CWF19L1: variants seen among roughly 807,000 people sequenced by gnomAD.
CWF19L1 encodes CWF19-like protein 1.
A neutral mutation model predicts 69.7 loss-of-function variants in CWF19L1; 60 were observed. The observed-to-expected ratio is 0.86, with a 90% CI of 0.70 to 1.07. CWF19L1 has a LOEUF of 1.07. CWF19L1 is among the 50% of genes least tolerant of loss of function. CWF19L1 has a pLI of 0.00. For missense variants in CWF19L1, 591 were observed against 638.9 expected (o/e 0.92, Z 0.81); for synonymous variants, 209 against 222.2 (o/e 0.94, Z 0.53).
At chr10:100,251,439 T>C (rs564629694) in intron 6 of CWF19L1, among the ~76,000 whole-genome samples, 37 of 152,126 alleles carry the variant, frequency 2.4e-4, no homozygotes, top group Admixed American at 2.6e-4. Flanking sequence ...TGGTGTATCA[T>C]TGTGCTTTTG....
chr10:100,262,002 G>GA lies in CWF19L1; in HGVS notation c.84dup (p.Gln29SerfsTer8). 1 of 1,604,980 alleles carries GA rather than the reference G, an allele frequency of 6.2e-7. No homozygotes were observed. Among genetic ancestry groups the GA allele is most frequent in the Non-Finnish European group, 8.5e-7 (1 of 1,177,716 alleles). ...ACATCAAAGTTTCCACTTTTCTTCTGAATTGCTTGAACTCTATTGAATAAA... is the reference window on the plus strand; with the variant it reads ...ACATCAAAGTTTCCACTTTTCTTCTGAAATTGCTTGAACTCTATTGAATAAA... On this transcript the variant is annotated frameshift_variant, in exon 2 of 14. Coordinates refer to ENST00000354105, the MANE Select transcript of CWF19L1 (RefSeq NM_018294.6). LOFTEE classifies it high-confidence loss of function.
chr10:100,262,180 C>A, intron 1 of CWF19L1, 117 bp from the exon 2 acceptor site: 1 of 1,419,316 alleles, frequency 7.0e-7, no homozygotes. Context: ...CTGCAGTTAC[C>A]TTGCAAGGTT....
intron 1 of CWF19L1, chr10:100,262,533 A>G (rs762836933): frequency 4.3e-5 from 38 of 881,948 alleles, no homozygotes; most frequent in Non-Finnish European, 4.1e-5. Context: ...TACGCTAAGT[A>G]CAATATGCCA....
At chr10:100,240,847 T>C (rs1846611710) in intron 10 of CWF19L1, among the ~76,000 whole-genome samples, 1 of 152,004 alleles carries the variant, frequency 6.6e-6, no homozygotes, top group Non-Finnish European at 1.5e-5. Context: ...AAAGAGATCA[T>C]CCAAAAAGGG....
intron 6 of CWF19L1, among the ~76,000 whole-genome samples, chr10:100,253,215 G>A (rs1028946943): frequency 7.2e-5 from 11 of 152,148 alleles, no homozygotes; most frequent in African/African-American, 2.4e-4. Flanking sequence ...ACAAGTTCTT[G>A]ATTCTGAAAC....
At chr10:100,243,572 C>A in intron 10 of CWF19L1, 126 bp downstream of exon 10, 2 of 841,262 alleles carry the variant, frequency 2.4e-6, no homozygotes, top group Non-Finnish European at 2.0e-6. Flanking sequence ...ACTCAGTAAC[C>A]TTACGAAAAT....
Position 100,256,258 on chromosome 10 carries a change from TCA to T in CWF19L1, c.504+2_504+3del, listed in dbSNP as rs1847208341. 1 of 1,611,790 alleles carries T rather than the reference TCA, an allele frequency of 6.2e-7. No individual in the cohort carries two copies. The highest frequency in any genetic ancestry group is 1.1e-5 in the South Asian group (1 of 91,034). ...GAAATTCCAACTAAACAAACACTACTCACAGAAGAATTCCCAAAGTTCCCCAC... is the reference window on the plus strand; with the variant it reads ...GAAATTCCAACTAAACAAACACTACTCAGAAGAATTCCCAAAGTTCCCCAC... On this transcript the variant is annotated splice_donor_variant and splice_donor_region_variant and intron_variant, in intron 5 of 13. Transcript: ENST00000354105. LOFTEE classifies it high-confidence loss of function.
Position 100,245,854 on chromosome 10 carries a change from T to C in CWF19L1, c.909A>G (p.Ser303=), listed in dbSNP as rs1362146197. The change falls in exon 9 of 14, where the codon TCA becomes TCG. Residue 303 remains serine, a synonymous_variant. Coordinates refer to ENST00000354105, the MANE Select transcript of CWF19L1 (RefSeq NM_018294.6). ...AAGATTTGCTATCTCTACCTGTGGA[T>C]GAACGCTTCCTTCCCTGCTTTTCAT... ...DLNEKQGRKR[S]STGRDSKSSP... The C allele has an allele frequency of 1.9e-6, 3 of 1,614,238 alleles. No individual in the cohort carries two copies. The highest frequency in any genetic ancestry group is 4.5e-5 in the East Asian group (2 of 44,890).
At position 100,257,246 on chromosome 10, in the gene CWF19L1, G is replaced by A. The variant is rs11190438; in HGVS notation, c.290-770C>T. On this transcript the variant is annotated intron_variant, in intron 4 of 13. Coordinates refer to ENST00000354105, the MANE Select transcript of CWF19L1 (RefSeq NM_018294.6). Reference sequence around the variant, plus strand: ...ATACTAAGAAACTTCCTCCTCTTCAGTTTTGAATTTCTGAAGAGTCATCCA... The same window carrying A: ...ATACTAAGAAACTTCCTCCTCTTCAATTTTGAATTTCTGAAGAGTCATCCA... Among the ~76,000 whole-genome samples, 2,956 of 140,674 alleles carry A rather than the reference G, an allele frequency of 0.021. 190 individuals are homozygous for A. The East Asian group carries it at 0.3, about 14-fold the overall frequency. 92.3% of individuals were successfully genotyped at this position (140,674 alleles called of 152,430 possible). A position where few individuals can be genotyped will look rare whatever the true frequency, so the allele number is the denominator to read the frequency against.
At chr10:100,236,537 C>A (rs996682192) in intron 12 of CWF19L1, among the ~76,000 whole-genome samples, 8 of 152,050 alleles carry the variant, frequency 5.3e-5, no homozygotes, top group Non-Finnish European at 1.2e-4. Flanking sequence ...TTCGGGAGGC[C>A]AAGGCAGGCA....
intron 4 of CWF19L1, among the ~76,000 whole-genome samples, chr10:100,259,110 A>AGAATCACTTGAACCAGCCT (rs1480442772): frequency 2.0e-5 from 3 of 151,556 alleles, no homozygotes; most frequent in Non-Finnish European, 4.4e-5. Flanking sequence ...CTGAGGCAGG[A>AGAATCACTTGAACCAGCCT]GAATCACTTG....
At chr10:100,237,488 A>T (rs1846483159) in intron 11 of CWF19L1, among the ~76,000 whole-genome samples, 1 of 152,164 alleles carries the variant, frequency 6.6e-6, no homozygotes, top group African/African-American at 2.4e-5. Flanking sequence ...TTTTCTAAAC[A>T]AGGAACTTAC....
At chr10:100,250,482 T>C (rs1036617827) in intron 6 of CWF19L1, 150 bp from the exon 7 acceptor site, 5 of 622,064 alleles carry the variant, frequency 8.0e-6, no homozygotes, top group African/African-American at 7.4e-5. Flanking sequence ...TTACTATCTA[T>C]CCGTCTAATA....
At chr10:100,257,906 A>T (rs1316147545) in intron 4 of CWF19L1, among the ~76,000 whole-genome samples, 1 of 151,796 alleles carries the variant, frequency 6.6e-6, no homozygotes, top group Non-Finnish European at 1.5e-5. Context: ...TATGGGACCA[A>T]CTCTCCAAAG....
chr10:100,256,324 C>A lies in CWF19L1; in HGVS notation c.442G>T (p.Gly148Cys), dbSNP rs1386925072. Residue 148 changes from glycine to cysteine, a missense_variant, in exon 5 of 14, where the codon GGT (glycine) becomes TGT (cysteine). Around this residue, in one of 3 missense-constraint regions of CWF19L1, gnomAD observed 458 missense variants for 489.3 expected, o/e 0.94. Coordinates refer to ENST00000354105, the MANE Select transcript of CWF19L1 (RefSeq NM_018294.6). ...MMLCTTSQFK[G>C]VDILLTSPWP... ...GGGGATGTGAGCAAGATATCAACAC[C>A]CTTAAACTGGGAGGTTGTACACAGC... The A allele has an allele frequency of 4.3e-6, 7 of 1,614,124 alleles. No individual in the cohort carries two copies. The highest frequency in any genetic ancestry group is 5.1e-6 in the Non-Finnish European group (6 of 1,180,022).
chr10:100,260,025 G>T (rs1016623409), intron 4 of CWF19L1, among the ~76,000 whole-genome samples, 193 bp downstream of exon 4: 3 of 151,970 alleles, frequency 2.0e-5, no homozygotes, highest in Non-Finnish European at 4.4e-5. Flanking sequence ...AAAATTAGCC[G>T]GGTATGGTCA....
rs1368309026 is a variant in CWF19L1 at position 100,235,663 on chromosome 10, A to G, written c.1472+4T>C. 4.4e-6 allele frequency: 7 copies of G among 1,599,976 alleles called. No homozygotes were observed. The highest frequency in any genetic ancestry group is 3.3e-5 in the South Asian group (3 of 90,780). ...AAAATACATTGAAAAGAAGAAAAAC[A>G]TACCTTCCAAACTGCAAAGGAAAAT... On this transcript the variant is annotated splice_donor_region_variant and intron_variant, in intron 13 of 13. Transcript: ENST00000354105.
intron 1 of CWF19L1, 99 bp downstream of exon 1, chr10:100,267,471 TC>T: frequency 6.2e-7 from 1 of 1,609,296 alleles, no homozygotes; most frequent in Non-Finnish European, 8.5e-7. Context: ...CTCCGCCTTT[TC>T]CTTCTCCCTT....
intron 4 of CWF19L1, among the ~76,000 whole-genome samples, chr10:100,258,895 T>A: frequency 7.6e-6 from 1 of 130,826 alleles, no homozygotes. Flanking sequence ...TGAAGAATAG[T>A]AAATTCAACT....
Sources: allele counts gnomAD v4.1 joint callset (sites outside exome capture counted in the v4.1 genomes callset), GRCh38; gene constraint gnomAD v4.1.1; regional missense constraint gnomAD v4.1.1; transcripts MANE v1.5; gene names NCBI Gene and HGNC (gene_info 2026-07-23, HGNC 2026-07-21).